ARIH1: variants seen among roughly 807,000 people sequenced by gnomAD.
The protein encoded by ARIH1 is E3 ubiquitin-protein ligase ARIH1.
ARIH1 carries 8 observed loss-of-function variants against 85.0 expected under a neutral mutation model. The observed-to-expected ratio is 0.09, with a 90% CI of 0.06 to 0.17. ARIH1 has a LOEUF of 0.17. ARIH1 is among the 10% of genes least tolerant of loss of function. The probability of loss-of-function intolerance (pLI) is 1.00; values close to 1 mark genes in which losing one functional copy is unlikely to be tolerated. For synonymous variants in ARIH1, 238 were observed against 253.6 expected, an observed-to-expected ratio of 0.94 and a Z score of 0.59; for missense variants, 311 against 718.1, an observed-to-expected ratio of 0.43 and a Z score of 6.48.
Position 72,474,475 on chromosome 15 carries a change from C to A in ARIH1, c.-165C>A. 1.1e-6 allele frequency: 1 copy of A among 912,944 alleles called. No individual in the cohort carries two copies. The highest frequency in any genetic ancestry group is 1.6e-6 in the Non-Finnish European group (1 of 639,426). The allele number at this position is 912,944 out of a possible 1,614,324, so 56.6% of individuals were successfully genotyped here. ...TCCGCGCCCTCCCCGCCGCCACCAGCCGTCAAACGCCAACCGCCGCTCCTG... is the reference window on the plus strand; with the variant it reads ...TCCGCGCCCTCCCCGCCGCCACCAGACGTCAAACGCCAACCGCCGCTCCTG... On this transcript the variant is annotated 5_prime_UTR_variant, in exon 1 of 14. Coordinates refer to ENST00000379887, the MANE Select transcript of ARIH1 (RefSeq NM_005744.5).
chr15:72,495,300 A>G lies in ARIH1; in HGVS notation c.375+20286A>G, dbSNP rs372703780. Among the ~76,000 whole-genome samples, 127 of 152,316 alleles carry G rather than the reference A, an allele frequency of 8.3e-4. No individual in the cohort carries two copies. In the South Asian group the frequency reaches 0.017, roughly 20 times the overall value. ...TGTTCTAAAATTAATGGTTGACACAACTGTCACAATTCTGTGAATATAATC... is the reference window on the plus strand; with the variant it reads ...TGTTCTAAAATTAATGGTTGACACAGCTGTCACAATTCTGTGAATATAATC... On this transcript the variant is annotated intron_variant, in intron 1 of 13. Coordinates refer to ENST00000379887, the MANE Select transcript of ARIH1 (RefSeq NM_005744.5).
chr15:72,506,967 G>A (rs1350927066), intron 1 of ARIH1, among the ~76,000 whole-genome samples: 1 of 151,588 alleles, frequency 6.6e-6, no homozygotes, highest in African/African-American at 2.4e-5. Context: ...CAGCAATTTG[G>A]TTGTGATTAT....
chr15:72,581,875 T>C lies in ARIH1; in HGVS notation c.1477-200T>C, dbSNP rs1306909686. On this transcript the variant is annotated intron_variant, in intron 12 of 13. Coordinates refer to ENST00000379887, the MANE Select transcript of ARIH1 (RefSeq NM_005744.5). ...TAATGGGTGAAATCTTTCGTTCTTT[T>C]AACATTTAAAAAATTGTTCTGGAAA... 1.9e-5 allele frequency: 8 copies of C among 410,314 alleles called. No individual in the cohort carries two copies. In the East Asian group the frequency reaches 3.0e-4, roughly 15 times the overall value. The allele number at this position is 410,314 out of a possible 1,614,324, so 25.4% of individuals were successfully genotyped here. A position where few individuals can be genotyped will look rare whatever the true frequency, so the allele number is the denominator to read the frequency against.
In ARIH1 at chr15:72,561,485, G is replaced by A. The variant is rs778561142; in HGVS notation, c.740G>A (p.Arg247His). Residue 247 changes from arginine (R) to histidine (H), a missense_variant and splice_region_variant, in exon 6 of 14, where the codon CGC becomes CAC. Physicochemically the swap from Arg to His is conservative, Grantham distance 29. Transcript: ENST00000379887. The stretch of plus-strand genomic sequence containing the variant: ...TCTATTTTTATTCTTGGTTTCAGGC[G>A]CCTGATCACAGATTCAAAAGTTAAA... ...DILVDDNTVM[R>H]LITDSKVKLK... 50 of 1,589,930 alleles carry A rather than the reference G, an allele frequency of 3.1e-5. No homozygotes were observed. The highest frequency in any genetic ancestry group is 4.0e-5 in the Non-Finnish European group (46 of 1,162,230).
chr15:72,543,243 G>T (rs2064115615), intron 2 of ARIH1, among the ~76,000 whole-genome samples: 1 of 151,932 alleles, frequency 6.6e-6, no homozygotes, highest in Non-Finnish European at 1.5e-5. Flanking sequence ...TGTAATCCCA[G>T]CTACTCGGGA....
In ARIH1 at chr15:72,552,842, T is replaced by C. The variant is rs572961823; in HGVS notation, c.589-2429T>C. On this transcript the variant is annotated intron_variant, in intron 3 of 13. Transcript: ENST00000379887. ...CAAGCTGGAGTGCGGTGGTGCGATC[T>C]TGGCTTACTGCAACCTCCATCTCCT... Among the ~76,000 whole-genome samples, 240 of 151,912 alleles carry C rather than the reference T, an allele frequency of 1.6e-3. 2 individuals carry two copies. Among genetic ancestry groups the C allele is most frequent in the African/African-American group, 5.6e-3 (233 of 41,406 alleles).
intron 1 of ARIH1, among the ~76,000 whole-genome samples, chr15:72,488,766 T>C (rs909038593): frequency 2.6e-5 from 4 of 152,228 alleles, no homozygotes; most frequent in Admixed American, 2.6e-4. Flanking sequence ...ACTAACAAAT[T>C]ATTTTATGAT....
chr15:72,511,635 T>A (rs2063950898), intron 1 of ARIH1, among the ~76,000 whole-genome samples: 1 of 152,220 alleles, frequency 6.6e-6, no homozygotes, highest in South Asian at 2.1e-4. Context: ...GCCTTGGACT[T>A]CGCTAAACTC....
intron 2 of ARIH1, among the ~76,000 whole-genome samples, chr15:72,535,567 T>C (rs1567349670): frequency 6.6e-6 from 1 of 152,208 alleles, no homozygotes; most frequent in Non-Finnish European, 1.5e-5. Flanking sequence ...CTTTCAACTT[T>C]TACAGCCTGA....
intron 2 of ARIH1, among the ~76,000 whole-genome samples, chr15:72,541,489 C>G (rs1004702081): frequency 3.3e-5 from 5 of 151,994 alleles, no homozygotes; most frequent in African/African-American, 9.7e-5. Context: ...AGTCAGTTTA[C>G]TCTTGATATA....
chr15:72,533,584 A>G (rs2140418643), intron 2 of ARIH1, among the ~76,000 whole-genome samples: 1 of 152,340 alleles, frequency 6.6e-6, no homozygotes, highest in South Asian at 2.1e-4. Context: ...TTCCGCTCTC[A>G]GGTATATATC....
At chr15:72,518,165 A>G in intron 2 of ARIH1, 31 bp downstream of exon 2, 3 of 1,547,602 alleles carry the variant, frequency 1.9e-6, no homozygotes, top group East Asian at 2.3e-5. Flanking sequence ...CTTTGTACTT[A>G]GAAGTAACAC....
intron 1 of ARIH1, among the ~76,000 whole-genome samples, chr15:72,485,831 A>G (rs994388079): frequency 6.6e-6 from 1 of 152,204 alleles, no homozygotes; most frequent in African/African-American, 2.4e-5. Flanking sequence ...CTTTGTATAA[A>G]TAGCTTAATT....
intron 2 of ARIH1, among the ~76,000 whole-genome samples, chr15:72,538,853 A>AT (rs2064094328): frequency 6.6e-6 from 1 of 152,262 alleles, no homozygotes; most frequent in Admixed American, 6.5e-5. Flanking sequence ...AACTGCTTAA[A>AT]TCCAATATTT....
At chr15:72,525,885 C>T (rs750981157) in intron 2 of ARIH1, among the ~76,000 whole-genome samples, 25 of 152,108 alleles carry the variant, frequency 1.6e-4, no homozygotes, top group Non-Finnish European at 2.4e-4. Context: ...AAGCGATCCT[C>T]TCACCTCAGC....
intron 11 of ARIH1, among the ~76,000 whole-genome samples, chr15:72,577,825 C>T (rs1001860944): frequency 6.6e-6 from 1 of 152,126 alleles, no homozygotes; most frequent in Non-Finnish European, 1.5e-5. Context: ...GAGATGCAGG[C>T]ACACTTGGTG....
chr15:72,546,655 C>CTG (rs35847751), intron 3 of ARIH1, among the ~76,000 whole-genome samples: 16,581 of 149,478 alleles, frequency 0.11, 1,040 homozygotes, highest in Non-Finnish European at 0.15. Context: ...GCTGATTTTT[C>CTG]TGTGTGTGTG....
At chr15:72,533,598 T>C (rs1318415626) in intron 2 of ARIH1, among the ~76,000 whole-genome samples, 1 of 152,174 alleles carries the variant, frequency 6.6e-6, no homozygotes, top group Non-Finnish European at 1.5e-5. Flanking sequence ...ATATATCCAA[T>C]AGAAAGAAAT....
chr15:72,577,517 A>C (rs2064277034), intron 11 of ARIH1, among the ~76,000 whole-genome samples: 2 of 151,958 alleles, frequency 1.3e-5, no homozygotes, highest in South Asian at 4.1e-4. Context: ...TACTAAAAAT[A>C]CAAAAATTAG....
Sources: gnomAD v4.1 joint callset for allele counts (sites outside exome capture counted in the v4.1 genomes callset) on GRCh38, gnomAD v4.1.1 for gene constraint, MANE v1.5 for transcripts, NCBI Gene and HGNC (gene_info 2026-07-23, HGNC 2026-07-21) for gene names.